PRKAG2: variants seen among roughly 807,000 people sequenced by gnomAD.
PRKAG2 encodes 5'-AMP-activated protein kinase subunit gamma-2.
PRKAG2 carries 26 observed loss-of-function variants against 69.6 expected under a neutral mutation model. The observed-to-expected ratio is 0.37, with a 90% CI of 0.27 to 0.52. The LOEUF is 0.52. Ranked by LOEUF, PRKAG2 falls within the 20% of genes least tolerant of loss-of-function variation. The probability of loss-of-function intolerance (pLI) is 0.90; values close to 1 mark genes in which losing one functional copy is unlikely to be tolerated. For synonymous variants in PRKAG2, 293 were observed against 285.0 expected, an observed-to-expected ratio of 1.03 and a Z score of -0.28; for missense variants, 557 against 740.0, an observed-to-expected ratio of 0.75 and a Z score of 2.87.
At position 151,638,572 on chromosome 7, in the gene PRKAG2, T is replaced by G. The variant is rs747630737; in HGVS notation, c.685-6434A>C. ...TCGCTTGAACCCAGGAGGCGGAACTTGGAGTGAGCCAAGATTGCACCACTG... is the reference window on the plus strand; with the variant it reads ...TCGCTTGAACCCAGGAGGCGGAACTGGGAGTGAGCCAAGATTGCACCACTG... On this transcript the variant is annotated intron_variant, in intron 4 of 15. Coordinates refer to ENST00000287878, the MANE Select transcript of PRKAG2 (RefSeq NM_016203.4). This position sits in a 1 kb window ranked among gnomAD's most constrained non-coding sequence, Gnocchi z 4.3. Among the ~76,000 whole-genome samples, 66 of 152,064 alleles carry G rather than the reference T, an allele frequency of 4.3e-4. 1 individual carries two copies. The highest frequency in any genetic ancestry group is 1.9e-3 in the South Asian group (9 of 4,818).
At chr7:151,866,288 C>T (rs2080076950) in intron 1 of PRKAG2, among the ~76,000 whole-genome samples, 1 of 152,098 alleles carries the variant, frequency 6.6e-6, no homozygotes, top group Admixed American at 6.5e-5. Context: ...TGGGCCATAG[C>T]CAAGCAGAGA....
chr7:151,628,861 C>T (rs577266208), intron 5 of PRKAG2, among the ~76,000 whole-genome samples: 4 of 152,084 alleles, frequency 2.6e-5, no homozygotes, highest in Admixed American at 6.6e-5. Context: ...GTAGCAGGCA[C>T]GGGGGAGAGA....
At chr7:151,698,339 C>G (rs773310420) in intron 3 of PRKAG2, among the ~76,000 whole-genome samples, 61 of 152,206 alleles carry the variant, frequency 4.0e-4, no homozygotes, top group Non-Finnish European at 6.3e-4. Flanking sequence ...TCCCATCCCC[C>G]ACCCCCTCGC....
intron 1 of PRKAG2, among the ~76,000 whole-genome samples, chr7:151,865,224 G>A (rs1015698794): frequency 1.3e-5 from 2 of 152,172 alleles, no homozygotes; most frequent in Admixed American, 6.5e-5. Flanking sequence ...CTGCCTAGAC[G>A]GCCTGCTGGA....
intron 3 of PRKAG2, among the ~76,000 whole-genome samples, chr7:151,731,481 G>A (rs1356765307): frequency 1.3e-5 from 2 of 152,160 alleles, no homozygotes; most frequent in African/African-American, 4.8e-5. Context: ...TGGTGATTCC[G>A]GGGGCTGCAG....
chr7:151,811,017 G>A (rs973183429), intron 1 of PRKAG2, among the ~76,000 whole-genome samples: 19 of 152,164 alleles, frequency 1.2e-4, no homozygotes, highest in Non-Finnish European at 2.8e-4. Flanking sequence ...CTGTCCATGT[G>A]TGACAGGTGG....
At chr7:151,675,991 AT>A (rs1424200843) in intron 3 of PRKAG2, among the ~76,000 whole-genome samples, 2 of 152,212 alleles carry the variant, frequency 1.3e-5, no homozygotes, top group African/African-American at 4.8e-5. Flanking sequence ...TGTGGGCAGC[AT>A]CCCCTCATTG....
chr7:151,876,681 C>G lies in PRKAG2; in HGVS notation c.-61G>C. On this transcript the variant is annotated 5_prime_UTR_variant, in exon 1 of 16. Coordinates refer to ENST00000287878, the MANE Select transcript of PRKAG2 (RefSeq NM_016203.4). ...GGGGGTTCGGTCCCCTCCTTCCCTC[C>G]CCCGGCCGCTGCCTTCGGACTGGAG... The G allele has an allele frequency of 6.6e-7, 1 of 1,517,680 alleles. No homozygotes were observed. Among genetic ancestry groups the G allele is most frequent in the South Asian group, 1.1e-5 (1 of 88,690 alleles). The allele number at this position is 1,517,680 out of a possible 1,614,324, so 94.0% of individuals were successfully genotyped here.
At chr7:151,685,943 C>G (rs1834656352) in intron 3 of PRKAG2, among the ~76,000 whole-genome samples, 1 of 152,114 alleles carries the variant, frequency 6.6e-6, no homozygotes, top group Non-Finnish European at 1.5e-5. Context: ...GAATAGCTGG[C>G]TTAATCGAAG....
chr7:151,564,491 G>A (rs1186497481), intron 13 of PRKAG2, among the ~76,000 whole-genome samples: 1 of 152,140 alleles, frequency 6.6e-6, no homozygotes, highest in Admixed American at 6.5e-5. Flanking sequence ...AGTATATCCT[G>A]CCAAAGACTG....
chr7:151,808,895 C>T (rs543895702), intron 1 of PRKAG2, among the ~76,000 whole-genome samples: 75 of 152,300 alleles, frequency 4.9e-4, no homozygotes, highest in South Asian at 8.3e-4. Context: ...GCTATCCTAA[C>T]GCCGCAGTGG....
At chr7:151,791,303 C>G (rs555181634) in intron 1 of PRKAG2, among the ~76,000 whole-genome samples, 1 of 152,260 alleles carries the variant, frequency 6.6e-6, no homozygotes, top group East Asian at 1.9e-4. Context: ...ATACTTAGGA[C>G]CTGGTGTCTC....
At chr7:151,625,667 A>T (rs1822667331) in intron 5 of PRKAG2, among the ~76,000 whole-genome samples, 1 of 152,150 alleles carries the variant, frequency 6.6e-6, no homozygotes, top group Non-Finnish European at 1.5e-5. Flanking sequence ...AGCAGCAAGG[A>T]GCTGTTCTCT....
At chr7:151,783,069 G>A (rs2076806030) in intron 2 of PRKAG2, among the ~76,000 whole-genome samples, 3 of 152,230 alleles carry the variant, frequency 2.0e-5, no homozygotes, top group Non-Finnish European at 4.4e-5. Flanking sequence ...TGCGCTGTCC[G>A]GACCGCGGCC....
intron 3 of PRKAG2, among the ~76,000 whole-genome samples, chr7:151,769,690 C>T (rs933897080): frequency 3.9e-5 from 6 of 152,182 alleles, no homozygotes; most frequent in African/African-American, 1.2e-4. Context: ...GTGTGACAGC[C>T]CCTGAAACTA....
chr7:151,868,630 G>A (rs970752598), intron 1 of PRKAG2, among the ~76,000 whole-genome samples: 3 of 152,252 alleles, frequency 2.0e-5, no homozygotes, highest in African/African-American at 7.2e-5. Context: ...GACAGCTGGT[G>A]CTTCATCGGT....
intron 3 of PRKAG2, among the ~76,000 whole-genome samples, chr7:151,707,458 G>A (rs74495775): frequency 0.019 from 2,958 of 152,064 alleles, 91 homozygotes; most frequent in African/African-American, 0.067. Context: ...GTTTCTTCCC[G>A]CCCTTGAGCC....
intron 3 of PRKAG2, among the ~76,000 whole-genome samples, chr7:151,728,215 C>T (rs1798321196): frequency 6.6e-6 from 1 of 152,144 alleles, no homozygotes. Context: ...ACTGCCTTGG[C>T]CCTCAGGGAA....
intron 1 of PRKAG2, among the ~76,000 whole-genome samples, chr7:151,800,658 G>A (rs1347771770): frequency 1.3e-5 from 2 of 152,244 alleles, no homozygotes; most frequent in Admixed American, 6.5e-5. Context: ...ATGGCAGCCA[G>A]GGCTTGGGTG....
Sources: allele counts gnomAD v4.1 joint callset (sites outside exome capture counted in the v4.1 genomes callset), GRCh38; gene constraint gnomAD v4.1.1; non-coding constraint Gnocchi (gnomAD v3.1); transcripts MANE v1.5; gene names NCBI Gene and HGNC (gene_info 2026-07-23, HGNC 2026-07-21).